Variants in CACNA2D3 observed in about 807,000 individuals in gnomAD.
CACNA2D3 encodes calcium voltage-gated channel auxiliary subunit alpha2delta 3.
CACNA2D3 carries 60 observed loss-of-function variants against 160.6 expected under a neutral mutation model. The observed-to-expected ratio is 0.37, with a 90% CI of 0.30 to 0.46. The LOEUF is 0.46. Ranked by LOEUF, CACNA2D3 falls within the 20% of genes least tolerant of loss-of-function variation. The pLI, the probability that CACNA2D3 is intolerant of heterozygous loss-of-function variation, is 1.00. For synonymous variants in CACNA2D3, 558 were observed against 492.9 expected, an observed-to-expected ratio of 1.13 and a Z score of -1.75; for missense variants, 1,205 against 1,365.0, an observed-to-expected ratio of 0.88 and a Z score of 1.85.
At position 54,406,624 on chromosome 3, in the gene CACNA2D3, T is replaced by C. The variant is rs1297942772; in HGVS notation, c.381+19850T>C. ...TAAAAAAACAAAAAGTGGTTAGATATATAGAGATAGAGAATAAAACATTCA... is the reference window on the plus strand; with the variant it reads ...TAAAAAAACAAAAAGTGGTTAGATACATAGAGATAGAGAATAAAACATTCA... On this transcript the variant is annotated intron_variant, in intron 4 of 37. Transcript: ENST00000474759. 2.0e-5 allele frequency among the ~76,000 whole-genome samples: 3 copies of C among 151,924 alleles called. No individual in the cohort carries two copies. The East Asian group carries it at 5.8e-4, about 29-fold the overall frequency.
chr3:54,490,874 G>C (rs1407423426), intron 4 of CACNA2D3, among the ~76,000 whole-genome samples: 1 of 152,240 alleles, frequency 6.6e-6, no homozygotes, highest in East Asian at 1.9e-4. Flanking sequence ...GTGTGATGGA[G>C]CCCATCACCA....
intron 11 of CACNA2D3, among the ~76,000 whole-genome samples, chr3:54,748,472 A>G (rs1701797627): frequency 6.6e-6 from 1 of 152,202 alleles, no homozygotes; most frequent in African/African-American, 2.4e-5. Flanking sequence ...CAAAGTCTAC[A>G]TCTTAACATT....
At chr3:54,894,632 C>G in intron 25 of CACNA2D3, 1 of 515,230 alleles carries the variant, frequency 1.9e-6, no homozygotes, top group South Asian at 1.4e-5. Context: ...GTGCGAACAC[C>G]TTCTGCTCAG....
chr3:54,552,463 G>A (rs2106687690), intron 5 of CACNA2D3, among the ~76,000 whole-genome samples: 1 of 152,242 alleles, frequency 6.6e-6, no homozygotes, highest in African/African-American at 2.4e-5. Flanking sequence ...TGTACTGTCT[G>A]GTAGCCAGTA....
intron 35 of CACNA2D3, among the ~76,000 whole-genome samples, chr3:55,028,354 G>A (rs922056537): frequency 2.8e-4 from 43 of 152,140 alleles, no homozygotes; most frequent in African/African-American, 9.2e-4. Context: ...ACATAAGAAT[G>A]TCATTAGGGT....
chr3:54,807,985 C>T (rs1409510809), intron 13 of CACNA2D3, among the ~76,000 whole-genome samples: 1 of 139,950 alleles, frequency 7.1e-6, no homozygotes, highest in African/African-American at 2.7e-5. Context: ...TATTCTCACT[C>T]ATAGGTGGGA....
chr3:54,220,856 TC>T (rs1701554551), intron 2 of CACNA2D3, among the ~76,000 whole-genome samples: 1 of 152,148 alleles, frequency 6.6e-6, no homozygotes, highest in Non-Finnish European at 1.5e-5. Flanking sequence ...CAGAGTAGGT[TC>T]TTAGGGATCA....
intron 5 of CACNA2D3, among the ~76,000 whole-genome samples, chr3:54,509,563 AGAGAAATAACACTC>A (rs1701426906): frequency 6.6e-6 from 1 of 152,180 alleles, no homozygotes; most frequent in African/African-American, 2.4e-5. Context: ...CTCTGGACCT[AGAGAAATAACACTC>A]GAGAACCTCC....
At chr3:54,376,371 A>G (rs1699012888) in intron 3 of CACNA2D3, among the ~76,000 whole-genome samples, 1 of 152,196 alleles carries the variant, frequency 6.6e-6, no homozygotes, top group South Asian at 2.1e-4. Context: ...CTGGTGCTCT[A>G]TGCCCTTCGC....
intron 2 of CACNA2D3, among the ~76,000 whole-genome samples, chr3:54,181,462 C>G (rs914780952): frequency 6.6e-6 from 1 of 152,156 alleles, no homozygotes; most frequent in Non-Finnish European, 1.5e-5. Context: ...GTAGGCATAA[C>G]ATAAGGAGAC....
At chr3:54,276,182 C>T (rs1459737554) in intron 2 of CACNA2D3, among the ~76,000 whole-genome samples, 1 of 152,146 alleles carries the variant, frequency 6.6e-6, no homozygotes, top group Non-Finnish European at 1.5e-5. Context: ...CGCCCTCTCC[C>T]ACTGCCCCCT....
intron 31 of CACNA2D3, among the ~76,000 whole-genome samples, chr3:55,003,991 T>C (rs1703035854): frequency 6.6e-6 from 1 of 152,222 alleles, no homozygotes; most frequent in Non-Finnish European, 1.5e-5. Context: ...TAATGGTTTC[T>C]GAGTCCGAAC....
intron 2 of CACNA2D3, among the ~76,000 whole-genome samples, chr3:54,252,007 T>G (rs1702197542): frequency 6.6e-6 from 1 of 151,998 alleles, no homozygotes; most frequent in Non-Finnish European, 1.5e-5. Context: ...GCAGTAATCT[T>G]TTTTTTAGAA....
At chr3:54,473,064 C>T (rs544366880) in intron 4 of CACNA2D3, among the ~76,000 whole-genome samples, 34 of 152,136 alleles carry the variant, frequency 2.2e-4, no homozygotes, top group Non-Finnish European at 4.6e-4. Context: ...AAAAAGAGCC[C>T]GTATAGCCAA....
At chr3:54,162,138 C>T (rs537885885) in intron 2 of CACNA2D3, among the ~76,000 whole-genome samples, 133 of 152,298 alleles carry the variant, frequency 8.7e-4, no homozygotes, top group African/African-American at 3.1e-3. Flanking sequence ...TGAGTGCCTG[C>T]TTTGTCCCAG....
intron 5 of CACNA2D3, among the ~76,000 whole-genome samples, chr3:54,524,587 A>G (rs1231748606): frequency 6.6e-6 from 1 of 151,950 alleles, no homozygotes; most frequent in Non-Finnish European, 1.5e-5. Context: ...GAGATATTGA[A>G]GTCCTCACCA....
chr3:54,316,040 A>G (rs568917180), intron 2 of CACNA2D3, among the ~76,000 whole-genome samples: 28 of 152,090 alleles, frequency 1.8e-4, no homozygotes, highest in Non-Finnish European at 2.4e-4. Context: ...TGAATGTACA[A>G]TCACATTGTG....
rs191587223 is a variant in CACNA2D3 at position 54,141,535 on chromosome 3, A to G, written c.204+17941A>G. ...AAGAGAGGAAGAGAAGGAGAGGCAG[A>G]GGGGCTGAAGTGTGAAGAAGAGCAC... On this transcript the variant is annotated intron_variant, in intron 2 of 37. Coordinates refer to ENST00000474759, the MANE Select transcript of CACNA2D3 (RefSeq NM_018398.3). 1.8e-3 allele frequency among the ~76,000 whole-genome samples: 273 copies of G among 152,342 alleles called. 1 individual carries two copies. Among genetic ancestry groups the G allele is most frequent in the African/African-American group, 6.2e-3 (258 of 41,582 alleles).
At chr3:54,612,062 A>C (rs927206193) in intron 9 of CACNA2D3, among the ~76,000 whole-genome samples, 1 of 152,116 alleles carries the variant, frequency 6.6e-6, no homozygotes, top group Non-Finnish European at 1.5e-5. Context: ...TGTTCATTCT[A>C]CTAGTTGGCT....
Sources: gnomAD v4.1 joint callset for allele counts (sites outside exome capture counted in the v4.1 genomes callset) on GRCh38, gnomAD v4.1.1 for gene constraint, MANE v1.5 for transcripts, NCBI Gene and HGNC (gene_info 2026-07-23, HGNC 2026-07-21) for gene names.